CSMD1: variants seen among roughly 807,000 people sequenced by gnomAD.
CSMD1 encodes the protein CUB and sushi domain-containing protein 1.
In CSMD1, 213 loss-of-function variants were observed where a neutral mutation model predicts 417.5. That is an observed-to-expected ratio of 0.51 (90% CI 0.46 to 0.57). The LOEUF is 0.57. CSMD1 is among the 20% of genes least tolerant of loss of function. The pLI, the probability that CSMD1 is intolerant of heterozygous loss-of-function variation, is 0.00. For synonymous variants in CSMD1, 2,862 were observed against 1,736.8 expected (o/e 1.65, Z -16.11); for missense variants, 6,923 against 4,529.7 (o/e 1.53, Z -15.17).
chr8:3,242,845 A>T (rs903456660), intron 26 of CSMD1, among the ~76,000 whole-genome samples: 1 of 151,470 alleles, frequency 6.6e-6, no homozygotes. Flanking sequence ...ATAAGAGGTC[A>T]GGGCGCAGAA....
chr8:4,963,797 G>A (rs899995126), intron 1 of CSMD1, among the ~76,000 whole-genome samples: 2 of 152,078 alleles, frequency 1.3e-5, no homozygotes, highest in Non-Finnish European at 2.9e-5. Context: ...AAAATGGTAA[G>A]CAATAGAATT....
intron 2 of CSMD1, among the ~76,000 whole-genome samples, chr8:4,500,968 G>A (rs1031697637): frequency 6.6e-6 from 1 of 151,988 alleles, no homozygotes; most frequent in Non-Finnish European, 1.5e-5. Flanking sequence ...CCTTTGATTT[G>A]TATGCACCAA....
intron 7 of CSMD1, among the ~76,000 whole-genome samples, chr8:3,674,612 T>C (rs1799275682): frequency 6.6e-6 from 1 of 152,136 alleles, no homozygotes. Flanking sequence ...AGATTCTAGA[T>C]ATTAATATCC....
intron 1 of CSMD1, among the ~76,000 whole-genome samples, chr8:4,897,507 C>G (rs1804575080): frequency 6.6e-6 from 1 of 152,030 alleles, no homozygotes; most frequent in African/African-American, 2.4e-5. Context: ...GCTATAACCT[C>G]TCATATCCTA....
At position 2,955,719 on chromosome 8, in the gene CSMD1, G is replaced by A. The variant is rs370985602; in HGVS notation, c.9864C>T (p.Ala3288=). Reference sequence around the variant, plus strand: ...TGTAGCCGAAAGTAGGAAGATCGATGGCTCTCACATCCGCGTGTGCCGGGG... The same window carrying A: ...TGTAGCCGAAAGTAGGAAGATCGATAGCTCTCACATCCGCGTGTGCCGGGG... ...PETPAHADVR[A]IDLPTFGYTL... is the part of the protein sequence containing the mutation. Residue 3288 remains alanine (A), a synonymous_variant, in exon 64 of 70, where the codon GCC becomes GCT. Coordinates refer to ENST00000635120, the MANE Select transcript of CSMD1 (RefSeq NM_033225.6). 9.9e-6 allele frequency: 16 copies of A among 1,613,806 alleles called. No individual in the cohort carries two copies. The highest frequency in any genetic ancestry group is 1.3e-5 in the African/African-American group (1 of 74,914).
intron 50 of CSMD1, among the ~76,000 whole-genome samples, chr8:3,043,177 A>C (rs1811223087): frequency 6.6e-6 from 1 of 151,708 alleles, no homozygotes; most frequent in African/African-American, 2.4e-5. Flanking sequence ...ATTATATAGT[A>C]CCATAGGTCA....
intron 1 of CSMD1, among the ~76,000 whole-genome samples, chr8:4,965,029 T>A (rs62489442): frequency 0.017 from 2,544 of 152,290 alleles, 41 homozygotes; most frequent in Middle Eastern, 0.051. Context: ...ATATGCACGT[T>A]GCTTTACTTT....
intron 3 of CSMD1, among the ~76,000 whole-genome samples, chr8:4,286,711 T>G (rs73500656): frequency 2.0e-5 from 3 of 152,212 alleles, no homozygotes; most frequent in Non-Finnish European, 4.4e-5. Context: ...AGAGAATGTA[T>G]GCAGCTCACA....
chr8:3,330,270 G>A (rs879703510), intron 23 of CSMD1, among the ~76,000 whole-genome samples: 2 of 152,188 alleles, frequency 1.3e-5, no homozygotes, highest in African/African-American at 4.8e-5. Context: ...AACATAAACT[G>A]TTCTACCATA....
intron 1 of CSMD1, among the ~76,000 whole-genome samples, chr8:4,959,502 C>G (rs555874174): frequency 3.8e-4 from 58 of 152,310 alleles, no homozygotes; most frequent in African/African-American, 1.3e-3. Context: ...TATCTTCAAA[C>G]GTATCCAGAA....
chr8:3,627,529 A>G (rs1392270079), intron 7 of CSMD1, among the ~76,000 whole-genome samples: 1 of 152,190 alleles, frequency 6.6e-6, no homozygotes, highest in Admixed American at 6.5e-5. Context: ...TACTTTTAGT[A>G]TGTTCCTCAT....
intron 68 of CSMD1, among the ~76,000 whole-genome samples, chr8:2,946,412 C>A (rs553086285): frequency 1.3e-5 from 2 of 152,296 alleles, no homozygotes; most frequent in African/African-American, 4.8e-5. Context: ...CAACCTTCAA[C>A]CCAGGCAACC....
intron 4 of CSMD1, among the ~76,000 whole-genome samples, chr8:4,025,018 T>C (rs1796989935): frequency 6.6e-6 from 1 of 152,184 alleles, no homozygotes; most frequent in Admixed American, 6.5e-5. Context: ...CCTTGGTGAT[T>C]ACATAGGTAG....
At chr8:4,212,304 C>A (rs369650931) in intron 3 of CSMD1, among the ~76,000 whole-genome samples, 6 of 151,844 alleles carry the variant, frequency 4.0e-5, no homozygotes, top group Admixed American at 3.3e-4. Context: ...AAACTAGATA[C>A]CTACCACCCA....
intron 1 of CSMD1, among the ~76,000 whole-genome samples, chr8:4,866,457 G>T (rs1158797291): frequency 6.6e-6 from 1 of 151,382 alleles, no homozygotes; most frequent in Non-Finnish European, 1.5e-5. Flanking sequence ...ATTCTCTTTT[G>T]TTTTTTTCTT....
intron 2 of CSMD1, among the ~76,000 whole-genome samples, chr8:4,447,160 A>T (rs1451966533): frequency 2.6e-5 from 4 of 152,206 alleles, no homozygotes; most frequent in African/African-American, 4.8e-5. Flanking sequence ...CATTTTAATA[A>T]ATTATTGATC....
intron 3 of CSMD1, among the ~76,000 whole-genome samples, chr8:4,051,308 C>A (rs201084534): frequency 1.9e-4 from 26 of 140,520 alleles, no homozygotes; most frequent in South Asian, 2.3e-4. Flanking sequence ...TTTGAAGACT[C>A]AAAAAAAAAA....
intron 3 of CSMD1, among the ~76,000 whole-genome samples, chr8:4,237,515 T>C (rs376443536): frequency 6.8e-6 from 1 of 148,068 alleles, no homozygotes; most frequent in Admixed American, 7.1e-5. Flanking sequence ...AACATGATGC[T>C]ATACTGCAGT....
At chr8:4,737,759 G>A (rs1178173613) in intron 1 of CSMD1, among the ~76,000 whole-genome samples, 1 of 152,150 alleles carries the variant, frequency 6.6e-6, no homozygotes, top group East Asian at 1.9e-4. Context: ...GCAATAGAAA[G>A]GCCAGAGAAG....
Sources: gnomAD v4.1 joint callset for allele counts (sites outside exome capture counted in the v4.1 genomes callset) on GRCh38, gnomAD v4.1.1 for gene constraint, MANE v1.5 for transcripts, NCBI Gene and HGNC (gene_info 2026-07-23, HGNC 2026-07-21) for gene names.